The following HS6ST2 variants were observed in gnomAD, a reference collection of about 807,000 sequenced individuals.
HS6ST2 encodes heparan sulfate 6-O-sulfotransferase 2, also known as heparan-sulfate 6-O-sulfotransferase 2.
Under a neutral mutation model 33.0 loss-of-function variants are expected in HS6ST2, and 17 were observed. The ratio of observed to expected loss-of-function variants is 0.52; its 90% CI spans 0.35 to 0.77. The LOEUF (loss-of-function observed/expected upper bound fraction) is 0.77, where lower values mean the gene tolerates loss of function less well. Among genes scored for constraint, HS6ST2 ranks in the 30% least tolerant of loss-of-function variants. HS6ST2 has a pLI of 0.01. For missense variants in HS6ST2, 519 were observed against 551.7 expected (o/e 0.94, Z 0.59); for synonymous variants, 248 against 237.1 (o/e 1.05, Z -0.42).
chrX:132,627,502 G>GA lies in HS6ST2; in HGVS notation c.*720dup, dbSNP rs748025987. 5.3e-4 allele frequency: 59 copies of GA among 111,846 alleles called. No homozygotes were observed. Among genetic ancestry groups the GA allele is most frequent in the African/African-American group, 1.7e-3 (53 of 30,834 alleles). The allele number at this position is 111,846 out of a possible 1,213,427, so 9.2% of individuals were successfully genotyped here. On this transcript the variant is annotated 3_prime_UTR_variant, in exon 5 of 5. Transcript: ENST00000370833. ...GATCTTTACATTGGTATTTCATTTT[G>GA]AAAAAAAGGTGTTTTGTTTAATGTG...
At chrX:132,808,001 G>A (rs1429550387) in intron 2 of HS6ST2, among the ~76,000 whole-genome samples, 9 of 111,840 alleles carry the variant, frequency 8.0e-5, no homozygotes, top group Admixed American at 7.6e-4. Flanking sequence ...TGGCTGGCTT[G>A]GTGCATTTAC....
At chrX:132,809,442 T>C (rs1021851243) in intron 2 of HS6ST2, among the ~76,000 whole-genome samples, 1 of 112,025 alleles carries the variant, frequency 8.9e-6, no homozygotes, top group Admixed American at 9.5e-5. Flanking sequence ...AAATACGTTT[T>C]GAGTACTGAC....
chrX:132,949,293 A>G (rs2148502590), intron 2 of HS6ST2, among the ~76,000 whole-genome samples: 1 of 109,071 alleles, frequency 9.2e-6, no homozygotes, highest in South Asian at 4.1e-4. Context: ...ACTATCTCGG[A>G]TGGCTCTGGC....
chrX:132,934,554 A>G (rs756834465), intron 2 of HS6ST2, among the ~76,000 whole-genome samples: 263 of 112,062 alleles, frequency 2.3e-3, no homozygotes, highest in African/African-American at 7.6e-3. Context: ...ATAAATATGA[A>G]GTAGATTCTG....
chrX:132,896,821 ATGAT>A (rs1265182433), intron 2 of HS6ST2, among the ~76,000 whole-genome samples: 6 of 112,246 alleles, frequency 5.3e-5, no homozygotes, highest in Non-Finnish European at 1.1e-4. Context: ...TAAATATTCT[ATGAT>A]TGGGAATTTT....
At chrX:132,765,413 T>G (rs946692512) in intron 2 of HS6ST2, among the ~76,000 whole-genome samples, 4 of 75,526 alleles carry the variant, frequency 5.3e-5, no homozygotes, top group African/African-American at 2.1e-4. Flanking sequence ...ACTTTGTGTG[T>G]GTGCATGTGT....
chrX:132,917,808 G>A (rs993774339), intron 2 of HS6ST2, among the ~76,000 whole-genome samples: 3 of 111,748 alleles, frequency 2.7e-5, no homozygotes, highest in African/African-American at 9.8e-5. Context: ...GAGAGGGAAT[G>A]TGTTTCCGCT....
At chrX:132,660,768 C>A (rs1204490601) in intron 4 of HS6ST2, among the ~76,000 whole-genome samples, 2 of 111,670 alleles carry the variant, frequency 1.8e-5, no homozygotes, top group African/African-American at 6.5e-5. Context: ...AAATTATTTA[C>A]ACACCAAAAA....
At chrX:132,638,542 G>T (rs1315914854) in intron 4 of HS6ST2, among the ~76,000 whole-genome samples, 1 of 112,257 alleles carries the variant, frequency 8.9e-6, no homozygotes, top group African/African-American at 3.2e-5. Flanking sequence ...TGAGAAGAGT[G>T]AGCTGTTGCA....
intron 2 of HS6ST2, among the ~76,000 whole-genome samples, chrX:132,825,418 G>A (rs1482768804): frequency 9.0e-6 from 1 of 111,530 alleles, no homozygotes; most frequent in Non-Finnish European, 1.9e-5. Flanking sequence ...ATGTTGAGGT[G>A]GTACGTCAGC....
At chrX:132,882,106 A>T (rs975013077) in intron 2 of HS6ST2, among the ~76,000 whole-genome samples, 2 of 111,328 alleles carry the variant, frequency 1.8e-5, no homozygotes. Flanking sequence ...TTGGCGATGC[A>T]GGCTCTTTTT....
At chrX:132,743,082 A>G (rs17277489) in intron 2 of HS6ST2, among the ~76,000 whole-genome samples, 13,781 of 112,112 alleles carry the variant, frequency 0.12, 790 homozygotes, top group East Asian at 0.29. Flanking sequence ...CACAACGCCT[A>G]ATTAAAAAAC....
At chrX:132,772,653 T>C (rs901020652) in intron 2 of HS6ST2, among the ~76,000 whole-genome samples, 1 of 99,869 alleles carries the variant, frequency 1.0e-5, no homozygotes, top group African/African-American at 3.6e-5. Context: ...CACAATATAA[T>C]TGTATGCAAT....
intron 2 of HS6ST2, among the ~76,000 whole-genome samples, chrX:132,911,543 TC>T (rs1179532133): frequency 5.4e-5 from 6 of 111,556 alleles, no homozygotes; most frequent in Admixed American, 2.9e-4. Context: ...AGCCTGGACT[TC>T]CCCTGGCTTT....
At chrX:132,894,468 T>TTGTTATGTTATGTTA (rs61054237) in intron 2 of HS6ST2, among the ~76,000 whole-genome samples, 167 of 91,784 alleles carry the variant, frequency 1.8e-3, no homozygotes, top group South Asian at 6.7e-3. Flanking sequence ...GAAATTCCTA[T>TTGTTATGTTATGTTA]TGTTATGTTA....
intron 2 of HS6ST2, among the ~76,000 whole-genome samples, chrX:132,881,979 T>C (rs1021018175): frequency 4.5e-5 from 5 of 111,507 alleles, no homozygotes; most frequent in African/African-American, 1.6e-4. Flanking sequence ...GTTCCATTGG[T>C]CTATATCTCT....
chrX:132,784,920 G>C (rs946455238), intron 2 of HS6ST2, among the ~76,000 whole-genome samples: 1 of 111,696 alleles, frequency 9.0e-6, no homozygotes, highest in African/African-American at 3.3e-5. Context: ...AAGCTCTCTA[G>C]AATCTGTCCT....
intron 4 of HS6ST2, among the ~76,000 whole-genome samples, chrX:132,660,467 A>G (rs2063763433): frequency 9.0e-6 from 1 of 111,672 alleles, no homozygotes; most frequent in Non-Finnish European, 1.9e-5. Flanking sequence ...GAGAACATGA[A>G]TGAAAGAATG....
chrX:132,825,053 T>C (rs1411339487), intron 2 of HS6ST2, among the ~76,000 whole-genome samples: 1 of 112,123 alleles, frequency 8.9e-6, no homozygotes, highest in Non-Finnish European at 1.9e-5. Context: ...AGAAGGCCTT[T>C]GGCAAACACT....
Sources: gnomAD v4.1 joint callset for allele counts (sites outside exome capture counted in the v4.1 genomes callset) on GRCh38, gnomAD v4.1.1 for gene constraint, MANE v1.5 for transcripts, NCBI Gene and HGNC (gene_info 2026-07-23, HGNC 2026-07-21) for gene names.